Variants in NRG3 observed in about 807,000 individuals in gnomAD.
The protein encoded by NRG3 is pro-neuregulin-3, membrane-bound isoform.
In NRG3, 31 loss-of-function variants were observed where a neutral mutation model predicts 66.9. The ratio of observed to expected loss-of-function variants is 0.46; its 90% CI spans 0.35 to 0.63. The LOEUF is 0.63. Among genes scored for constraint, NRG3 ranks in the 20% least tolerant of loss-of-function variants. The pLI, the probability that NRG3 is intolerant of heterozygous loss-of-function variation, is 0.00. For missense variants in NRG3, 910 were observed against 878.9 expected, an observed-to-expected ratio of 1.04 and a Z score of -0.45; for synonymous variants, 393 against 359.4, an observed-to-expected ratio of 1.09 and a Z score of -1.06.
chr10:82,402,880 C>G (rs1314514806), intron 2 of NRG3, among the ~76,000 whole-genome samples: 1 of 152,086 alleles, frequency 6.6e-6, no homozygotes, highest in Non-Finnish European at 1.5e-5. Context: ...TCCTCTTTCT[C>G]ATTTTTGCTT....
At chr10:82,283,690 A>G (rs1246951899) in intron 1 of NRG3, among the ~76,000 whole-genome samples, 1 of 152,150 alleles carries the variant, frequency 6.6e-6, no homozygotes. Context: ...GTGTATCTGG[A>G]AGGAGCCTGG....
At chr10:82,975,131 A>G (rs920843587) in intron 7 of NRG3, among the ~76,000 whole-genome samples, 6 of 152,210 alleles carry the variant, frequency 3.9e-5, no homozygotes, top group Non-Finnish European at 8.8e-5. Flanking sequence ...TTTACAGAAT[A>G]TTTTCCTGTG....
intron 1 of NRG3, among the ~76,000 whole-genome samples, chr10:82,173,954 C>T (rs148763416): frequency 1.3e-5 from 2 of 152,224 alleles, no homozygotes; most frequent in African/African-American, 2.4e-5. Context: ...ATTTGGTCTA[C>T]TTTGAAGTGT....
At chr10:82,509,566 C>T (rs1362712219) in intron 2 of NRG3, among the ~76,000 whole-genome samples, 1 of 152,116 alleles carries the variant, frequency 6.6e-6, no homozygotes, top group Non-Finnish European at 1.5e-5. Flanking sequence ...TCAGTAAGCA[C>T]TTATGATGTA....
At chr10:82,030,589 G>A (rs2062520878) in intron 1 of NRG3, among the ~76,000 whole-genome samples, 1 of 151,870 alleles carries the variant, frequency 6.6e-6, no homozygotes, top group East Asian at 1.9e-4. Context: ...CTCACTCTAC[G>A]GAGTGAGAGA....
intron 1 of NRG3, among the ~76,000 whole-genome samples, chr10:82,044,511 G>A (rs1051698393): frequency 2.0e-5 from 3 of 151,854 alleles, no homozygotes; most frequent in East Asian, 3.9e-4. Flanking sequence ...CATAGACAGC[G>A]ACCCCAGCTG....
chr10:81,923,146 T>C (rs1846412129), intron 1 of NRG3, among the ~76,000 whole-genome samples: 1 of 152,222 alleles, frequency 6.6e-6, no homozygotes, highest in Non-Finnish European at 1.5e-5. Context: ...CATTTCTGTT[T>C]TATCTCTTAA....
At chr10:81,878,454 A>C (rs1460148841) in intron 1 of NRG3, among the ~76,000 whole-genome samples, 7 of 152,178 alleles carry the variant, frequency 4.6e-5, no homozygotes, top group Admixed American at 4.6e-4. Flanking sequence ...TTGTATGGTG[A>C]CTTGAAGAAA....
intron 1 of NRG3, among the ~76,000 whole-genome samples, chr10:82,148,301 C>A (rs528076435): frequency 6.6e-6 from 1 of 152,164 alleles, no homozygotes; most frequent in East Asian, 1.9e-4. Flanking sequence ...AGTTCAAGAC[C>A]AGCCTGGGCA....
At chr10:82,942,687 G>A (rs1848678707) in intron 4 of NRG3, among the ~76,000 whole-genome samples, 1 of 152,182 alleles carries the variant, frequency 6.6e-6, no homozygotes, top group African/African-American at 2.4e-5. Flanking sequence ...CTCACTCCAG[G>A]ACTCATCTCA....
intron 2 of NRG3, among the ~76,000 whole-genome samples, chr10:82,544,949 A>G (rs1289188891): frequency 1.3e-5 from 2 of 152,174 alleles, no homozygotes; most frequent in African/African-American, 4.8e-5. Context: ...ATGCCCCTAT[A>G]TCTGCAGCAA....
rs181735407 is a variant in NRG3 at position 82,249,814 on chromosome 10, C to T, written c.824-108925C>T. ...TTCGTCTTTTCAAAAGTAACTTTTT[C>T]TATCACATTTGGCTTAGGTTAAGAT... is the stretch of plus-strand genomic sequence containing the variant. On this transcript the variant is annotated intron_variant, in intron 1 of 8. Coordinates refer to ENST00000372141, the MANE Select transcript of NRG3 (RefSeq NM_001010848.4). Among the ~76,000 whole-genome samples, 17 of 152,304 alleles carry T rather than the reference C, an allele frequency of 1.1e-4. No homozygotes were observed. The East Asian group carries it at 2.7e-3, about 24-fold the overall frequency.
chr10:82,107,746 C>G (rs552160333), intron 1 of NRG3, among the ~76,000 whole-genome samples: 6 of 152,060 alleles, frequency 3.9e-5, no homozygotes, highest in Non-Finnish European at 8.8e-5. Flanking sequence ...ATCTTTCTGT[C>G]TTTGTTGAAT....
chr10:82,255,552 G>A (rs532077610), intron 1 of NRG3, among the ~76,000 whole-genome samples: 27 of 152,044 alleles, frequency 1.8e-4, no homozygotes, highest in Non-Finnish European at 3.4e-4. Context: ...GAAAACTTCT[G>A]TACTGTTTTC....
chr10:82,937,600 G>A (rs79403534), intron 4 of NRG3, among the ~76,000 whole-genome samples: 105 of 152,306 alleles, frequency 6.9e-4, no homozygotes, highest in East Asian at 6.8e-3. Context: ...TGGCACTGCC[G>A]GAAGGTGTAA....
chr10:82,563,361 A>T (rs1485345521), intron 2 of NRG3, among the ~76,000 whole-genome samples: 2 of 152,140 alleles, frequency 1.3e-5, no homozygotes, highest in Non-Finnish European at 2.9e-5. Context: ...ACTAAAAAAT[A>T]TGTATCCTCA....
chr10:82,947,151 TTA>T (rs1849103299), intron 4 of NRG3, among the ~76,000 whole-genome samples: 1 of 152,186 alleles, frequency 6.6e-6, no homozygotes, highest in Non-Finnish European at 1.5e-5. Context: ...CATACATGTT[TTA>T]TGTTATTATA....
intron 3 of NRG3, among the ~76,000 whole-genome samples, chr10:82,751,606 C>A (rs1362170296): frequency 6.6e-6 from 1 of 152,096 alleles, no homozygotes; most frequent in African/African-American, 2.4e-5. Flanking sequence ...ATACAAGAAA[C>A]CTTGCCAGGT....
intron 1 of NRG3, among the ~76,000 whole-genome samples, chr10:82,095,191 G>T (rs1035864968): frequency 1.3e-5 from 2 of 152,056 alleles, no homozygotes; most frequent in African/African-American, 4.8e-5. Context: ...TAAGGAGACT[G>T]AGCTTGTGAG....
Sources: allele counts gnomAD v4.1 joint callset (sites outside exome capture counted in the v4.1 genomes callset), GRCh38; gene constraint gnomAD v4.1.1; transcripts MANE v1.5; gene names NCBI Gene and HGNC (gene_info 2026-07-23, HGNC 2026-07-21).